The following INTS3 variants were observed in gnomAD, a reference collection of about 807,000 sequenced individuals.
The protein encoded by INTS3 is SOSS complex subunit A.
In INTS3, 34 loss-of-function variants were observed where a neutral mutation model predicts 146.3. That is an observed-to-expected ratio of 0.23 (90% CI 0.18 to 0.31). The LOEUF is 0.31. Ranked by LOEUF, INTS3 falls within the 10% of genes least tolerant of loss-of-function variation. INTS3 has a pLI of 1.00. For synonymous variants in INTS3, 475 were observed against 494.9 expected (o/e 0.96, Z 0.53); for missense variants, 757 against 1,304.2 (o/e 0.58, Z 6.46).
chr1:153,774,759 C>T lies in INTS3; in HGVS notation c.*1489C>T. The T allele has an allele frequency of 4.1e-6, 1 of 244,812 alleles. No homozygotes were observed. Among genetic ancestry groups the T allele is most frequent in the Non-Finnish European group, 7.9e-6 (1 of 126,808 alleles). 15.2% of individuals were successfully genotyped at this position (244,812 alleles called of 1,614,324 possible). A position where few individuals can be genotyped will look rare whatever the true frequency, so the allele number is the denominator to read the frequency against. On this transcript the variant is annotated 3_prime_UTR_variant, in exon 30 of 30. Coordinates refer to ENST00000318967, the MANE Select transcript of INTS3 (RefSeq NM_023015.5). ...CACTGGAGGCTTCTTTTTCCTTCCT[C>T]TCTCCTTCCCCAGTTTCCTCTGTCC... is the stretch of plus-strand genomic sequence containing the variant.
At position 153,764,670 on chromosome 1, in the gene INTS3, A is replaced by T; in HGVS notation, c.1926-20A>T. On this transcript the variant is annotated intron_variant, in intron 18 of 29. Transcript: ENST00000318967. Reference sequence around the variant, plus strand: ...CAGCCCCCCTCACATGGATTCTCAAATATAACCCTCTTCTTGTAGGTCCCT... The same window carrying T: ...CAGCCCCCCTCACATGGATTCTCAATTATAACCCTCTTCTTGTAGGTCCCT... The T allele has an allele frequency of 6.3e-7, 1 of 1,593,026 alleles. No homozygotes were observed. Among genetic ancestry groups the T allele is most frequent in the Non-Finnish European group, 8.6e-7 (1 of 1,160,858 alleles).
Position 153,772,728 on chromosome 1 carries a change from T to C in INTS3, c.2894+17T>C. 1 of 1,611,812 alleles carries C rather than the reference T, an allele frequency of 6.2e-7. No homozygotes were observed. The highest frequency in any genetic ancestry group is 1.1e-5 in the South Asian group (1 of 90,984). ...CAAGATGAAGTGAGGCTCCTGCCACTTTGGGCCTTGGAAAGTAGTAGGGGA... is the reference window on the plus strand; with the variant it reads ...CAAGATGAAGTGAGGCTCCTGCCACCTTGGGCCTTGGAAAGTAGTAGGGGA... On this transcript the variant is annotated intron_variant, in intron 28 of 29. Transcript: ENST00000318967. This position sits in a 1 kb window ranked among gnomAD's most constrained non-coding sequence, Gnocchi z 4.6.
chr1:153,767,608 C>CTTCGGGGATGCTTGAAGGTGGG (rs1553240336), intron 20 of INTS3, 66 bp from the exon 21 acceptor site: 6 of 1,481,748 alleles, frequency 4.0e-6, no homozygotes, highest in Non-Finnish European at 5.4e-6. Context: ...CGGGAGCCTG[C>CTTCGGGGATGCTTGAAGGTGGG]TTCGGGGATG....
At chr1:153,767,459 T>G in intron 20 of INTS3, 1 of 463,446 alleles carries the variant, frequency 2.2e-6, no homozygotes, top group Non-Finnish European at 3.8e-6. Context: ...TGGAGCCCTT[T>G]TGAGCTCTGG....
intron 3 of INTS3, among the ~76,000 whole-genome samples, chr1:153,745,658 A>G (rs1157059688): frequency 6.6e-6 from 1 of 151,730 alleles, no homozygotes; most frequent in African/African-American, 2.4e-5. Flanking sequence ...ACAGAGTGAA[A>G]AAAAAAAAAA....
chr1:153,749,410 A>C (rs1038080516), intron 6 of INTS3, among the ~76,000 whole-genome samples: 3 of 152,240 alleles, frequency 2.0e-5, no homozygotes, highest in Admixed American at 2.0e-4. Flanking sequence ...CTTGACTTCT[A>C]AGTCTCTTTT....
Position 153,772,853 on chromosome 1 carries a change from C to T in INTS3, c.2895-72C>T. 1 of 1,599,976 alleles carries T rather than the reference C, an allele frequency of 6.3e-7. No homozygotes were observed. Among genetic ancestry groups the T allele is most frequent in the Middle Eastern group, 1.9e-4 (1 of 5,340 alleles). On this transcript the variant is annotated intron_variant, in intron 28 of 29. Coordinates refer to ENST00000318967, the MANE Select transcript of INTS3 (RefSeq NM_023015.5). This position sits in a 1 kb window ranked among gnomAD's most constrained non-coding sequence, Gnocchi z 4.6. ...GAAAAAGAAGGCCTAGGCCTGGGGG[C>T]AGAGAAGAGGATGGGAGGTGCCGTA... is the stretch of plus-strand genomic sequence containing the variant.
chr1:153,768,356 G>A lies in INTS3; in HGVS notation c.2244+529G>A, dbSNP rs1030449581. Among the ~76,000 whole-genome samples, 3 of 152,324 alleles carry A rather than the reference G, an allele frequency of 2.0e-5. No homozygotes were observed. In the East Asian group the frequency reaches 5.8e-4, roughly 29 times the overall value. On this transcript the variant is annotated intron_variant, in intron 21 of 29. Coordinates refer to ENST00000318967, the MANE Select transcript of INTS3 (RefSeq NM_023015.5). ...ATAAGGACCCAGGGCATGACAGGAG[G>A]AACTGTGATCTCAGCCGAGTACTGG...
intron 1 of INTS3, among the ~76,000 whole-genome samples, chr1:153,732,315 G>A (rs1671097773): frequency 1.3e-5 from 2 of 152,098 alleles, no homozygotes; most frequent in Non-Finnish European, 2.9e-5. Context: ...GAGTCTCCAG[G>A]GACTGGGCTT....
chr1:153,761,238 C>T, intron 13 of INTS3: 1 of 543,656 alleles, frequency 1.8e-6, no homozygotes, highest in Non-Finnish European at 3.1e-6. Context: ...TGGCCAGACA[C>T]AGTGGCTCAT....
At position 153,763,214 on chromosome 1, in the gene INTS3, C is replaced by G; in HGVS notation, c.1637-19C>G. Reference sequence around the variant, plus strand: ...GGCATCTGGGCAAACTGACTTCTTTCCCAAATCACTCCCTTTAGGAAAGAA... The same window carrying G: ...GGCATCTGGGCAAACTGACTTCTTTGCCAAATCACTCCCTTTAGGAAAGAA... On this transcript the variant is annotated intron_variant, in intron 15 of 29. Coordinates refer to ENST00000318967, the MANE Select transcript of INTS3 (RefSeq NM_023015.5). 2 of 1,614,134 alleles carry G rather than the reference C, an allele frequency of 1.2e-6. No individual in the cohort carries two copies. Among genetic ancestry groups the G allele is most frequent in the Non-Finnish European group, 1.7e-6 (2 of 1,180,008 alleles).
chr1:153,746,559 C>G (rs1671747029), intron 3 of INTS3, among the ~76,000 whole-genome samples: 1 of 152,162 alleles, frequency 6.6e-6, no homozygotes, highest in Non-Finnish European at 1.5e-5. Flanking sequence ...CGCCACCGTG[C>G]CCGGCTAATT....
intron 6 of INTS3, among the ~76,000 whole-genome samples, chr1:153,750,061 A>G (rs953704058): frequency 1.3e-5 from 2 of 152,344 alleles, no homozygotes; most frequent in African/African-American, 4.8e-5. Context: ...GGTAGCAGGT[A>G]GGGGAGGAAA....
intron 19 of INTS3, 41 bp from the exon 20 acceptor site, chr1:153,764,903 G>A: frequency 6.2e-7 from 1 of 1,613,600 alleles, no homozygotes; most frequent in Non-Finnish European, 8.5e-7. Flanking sequence ...AGTCTGCCCT[G>A]GGTAAAGTTC....
At chr1:153,743,785 T>C (rs1292120336) in intron 3 of INTS3, among the ~76,000 whole-genome samples, 1 of 152,014 alleles carries the variant, frequency 6.6e-6, no homozygotes, top group African/African-American at 2.4e-5. Flanking sequence ...AGTCAATAGA[T>C]AAAGGTAATG....
rs146230825 is a variant in INTS3 at position 153,728,661 on chromosome 1, G to GGCAGCA, written c.36_41dup (p.Ala14_Ala15dup). 6.2e-7 allele frequency: 1 copy of GGCAGCA among 1,605,402 alleles called. No homozygotes were observed. The highest frequency in any genetic ancestry group is 1.3e-5 in the African/African-American group (1 of 74,198). ...TGGAGTTGCAGAAGGGAAAAGGGGC[G>GGCAGCA]GCAGCAGCAGCAGCTGCTTCGGGAG... On this transcript the variant is annotated inframe_insertion, in exon 1 of 30. Transcript: ENST00000318967.
At chr1:153,768,821 G>A in intron 21 of INTS3, 72 bp from the exon 22 acceptor site, 1 of 1,178,170 alleles carries the variant, frequency 8.5e-7, no homozygotes, top group Non-Finnish European at 1.3e-6. Context: ...ATGTAATAAG[G>A]AAGGAGAGTG....
intron 1 of INTS3, among the ~76,000 whole-genome samples, chr1:153,732,621 C>T (rs986573619): frequency 1.2e-4 from 18 of 151,520 alleles, no homozygotes; most frequent in African/African-American, 4.4e-4. Context: ...ACTTTTTTTG[C>T]ATTTTTAGTA....
chr1:153,746,720 C>T (rs1453393012), intron 3 of INTS3: 2 of 457,264 alleles, frequency 4.4e-6, no homozygotes, highest in Non-Finnish European at 7.8e-6. Context: ...GCTTTTCTGC[C>T]TCATTAAAGG....
Sources: gnomAD v4.1 joint callset for allele counts (sites outside exome capture counted in the v4.1 genomes callset) on GRCh38, gnomAD v4.1.1 for gene constraint, Gnocchi (gnomAD v3.1) non-coding constraint, MANE v1.5 for transcripts, NCBI Gene and HGNC (gene_info 2026-07-23, HGNC 2026-07-21) for gene names.